The following PTPRK variants were observed in gnomAD, a reference collection of about 807,000 sequenced individuals.
PTPRK encodes protein tyrosine phosphatase receptor type K, also known as receptor-type tyrosine-protein phosphatase kappa.
PTPRK carries 75 observed loss-of-function variants against 178.0 expected under a neutral mutation model. That is an observed-to-expected ratio of 0.42 (90% CI 0.35 to 0.51). The LOEUF is 0.51. Among genes scored for constraint, PTPRK ranks in the 20% least tolerant of loss-of-function variants. The probability of loss-of-function intolerance (pLI) is 0.02; values close to 1 mark genes in which losing one functional copy is unlikely to be tolerated. For missense variants in PTPRK, 1,441 were observed against 1,797.8 expected (o/e 0.80, Z 3.59); for synonymous variants, 637 against 620.6 (o/e 1.03, Z -0.39).
At chr6:128,378,743 C>G (rs890275507) in intron 2 of PTPRK, among the ~76,000 whole-genome samples, 9 of 152,016 alleles carry the variant, frequency 5.9e-5, no homozygotes, top group African/African-American at 2.2e-4. Flanking sequence ...ATATACGTAT[C>G]TCACTTTTGG....
chr6:128,475,441 A>G (rs1851254780), intron 1 of PTPRK, among the ~76,000 whole-genome samples: 1 of 152,066 alleles, frequency 6.6e-6, no homozygotes, highest in Admixed American at 6.6e-5. Flanking sequence ...TATCTGTGCA[A>G]CTAAAGTGGA....
Position 128,026,895 on chromosome 6 carries a change from G to A in PTPRK, c.2195-17627C>T, listed in dbSNP as rs191509120. The stretch of plus-strand genomic sequence containing the variant: ...ATTACTAAATCCATTTGCTGTGCTA[G>A]ATGCTGAGGGAGGTGTGTGACACAG... On this transcript the variant is annotated intron_variant, in intron 13 of 29. Coordinates refer to ENST00000368226, the MANE Select transcript of PTPRK (RefSeq NM_002844.4). 1.4e-3 allele frequency among the ~76,000 whole-genome samples: 209 copies of A among 152,244 alleles called. 1 individual carries two copies. The highest frequency in any genetic ancestry group is 2.6e-3 in the Non-Finnish European group (179 of 68,018).
chr6:128,165,021 T>C (rs1415280802), intron 7 of PTPRK, among the ~76,000 whole-genome samples: 2 of 151,264 alleles, frequency 1.3e-5, no homozygotes, highest in Non-Finnish European at 3.0e-5. Context: ...ATACAAATTT[T>C]ACAGTTGAAA....
chr6:128,474,828 T>A (rs978143399), intron 1 of PTPRK, among the ~76,000 whole-genome samples: 2 of 152,130 alleles, frequency 1.3e-5, no homozygotes, highest in Non-Finnish European at 2.9e-5. Flanking sequence ...ATGTCTCAAC[T>A]AAAACTGATG....
At chr6:128,397,231 A>C (rs1480387756) in intron 2 of PTPRK, among the ~76,000 whole-genome samples, 1 of 152,166 alleles carries the variant, frequency 6.6e-6, no homozygotes, top group African/African-American at 2.4e-5. Flanking sequence ...CTACGAAAAG[A>C]GCTGATCCCA....
At chr6:128,349,911 T>C (rs1205240429) in intron 2 of PTPRK, among the ~76,000 whole-genome samples, 3 of 151,438 alleles carry the variant, frequency 2.0e-5, no homozygotes, top group Admixed American at 1.3e-4. Flanking sequence ...AAACACAGAG[T>C]TTTGCACAGA....
chr6:128,026,404 G>A (rs1179618042), intron 13 of PTPRK, among the ~76,000 whole-genome samples: 2 of 152,176 alleles, frequency 1.3e-5, no homozygotes, highest in Non-Finnish European at 2.9e-5. Flanking sequence ...CCAAAGGGTT[G>A]TATTTGAAAG....
At chr6:128,315,192 T>C (rs559256819) in intron 3 of PTPRK, among the ~76,000 whole-genome samples, 9 of 152,272 alleles carry the variant, frequency 5.9e-5, no homozygotes, top group Admixed American at 5.9e-4. Context: ...TTCTAATTAT[T>C]ATATTTGTGA....
At chr6:128,182,810 C>G (rs2114691154) in intron 7 of PTPRK, among the ~76,000 whole-genome samples, 1 of 152,194 alleles carries the variant, frequency 6.6e-6, no homozygotes, top group Middle Eastern at 3.4e-3. Flanking sequence ...GCTTTCACAT[C>G]TGGAACCAAT....
At chr6:128,446,358 C>T (rs1464968674) in intron 1 of PTPRK, among the ~76,000 whole-genome samples, 1 of 152,172 alleles carries the variant, frequency 6.6e-6, no homozygotes, top group Non-Finnish European at 1.5e-5. Context: ...ATCAGACCTA[C>T]TGTGTCACTT....
intron 6 of PTPRK, among the ~76,000 whole-genome samples, chr6:128,201,684 C>G (rs1455329526): frequency 6.6e-6 from 1 of 151,780 alleles, no homozygotes; most frequent in African/African-American, 2.4e-5. Context: ...CATAGTGAGA[C>G]CCCATCTCTA....
intron 7 of PTPRK, among the ~76,000 whole-genome samples, chr6:128,163,343 A>G (rs1019910468): frequency 9.3e-5 from 14 of 151,222 alleles, no homozygotes; most frequent in African/African-American, 3.1e-4. Flanking sequence ...TTTAATATAA[A>G]TTTATATTGA....
intron 11 of PTPRK, among the ~76,000 whole-genome samples, chr6:128,071,992 G>A (rs1782909760): frequency 1.3e-5 from 2 of 152,012 alleles, no homozygotes; most frequent in Non-Finnish European, 2.9e-5. Flanking sequence ...AAATGGGATT[G>A]TGCTTCTTCA....
chr6:128,299,738 C>T lies in PTPRK; in HGVS notation c.495+22301G>A, dbSNP rs544101051. Among the ~76,000 whole-genome samples, 3 of 152,248 alleles carry T rather than the reference C, an allele frequency of 2.0e-5. No homozygotes were observed. The East Asian group carries it at 5.8e-4, about 29-fold the overall frequency. ...ACATTAATTCAAGATGGATTAAAGA[C>T]TTAAACGTTAGACCTAAAACCATAA... On this transcript the variant is annotated intron_variant, in intron 3 of 29. Transcript: ENST00000368226.
rs190483026 is a variant in PTPRK at position 128,504,180 on chromosome 6, G to C, written c.100+16079C>G. On this transcript the variant is annotated intron_variant, in intron 1 of 29. Coordinates refer to ENST00000368226, the MANE Select transcript of PTPRK (RefSeq NM_002844.4). ...GAACAATAAGAGTCTTGACCTAAAAGGACCCCTCTTATTCTTTCAAAGCAT... is the reference window on the plus strand; with the variant it reads ...GAACAATAAGAGTCTTGACCTAAAACGACCCCTCTTATTCTTTCAAAGCAT... 2.6e-5 allele frequency among the ~76,000 whole-genome samples: 4 copies of C among 152,140 alleles called. No individual in the cohort carries two copies. The South Asian group carries it at 8.3e-4, about 32-fold the overall frequency.
At chr6:128,058,950 C>G (rs9491909) in intron 13 of PTPRK, among the ~76,000 whole-genome samples, 2,788 of 151,992 alleles carry the variant, frequency 0.018, 76 homozygotes, top group East Asian at 0.057. Context: ...CTCTTCCCTA[C>G]AGTTTTACCT....
At chr6:128,318,806 G>A (rs752242716) in intron 3 of PTPRK, among the ~76,000 whole-genome samples, 23 of 152,170 alleles carry the variant, frequency 1.5e-4, no homozygotes, top group Non-Finnish European at 2.8e-4. Flanking sequence ...ATCTTCAGCT[G>A]AAATTTAATA....
chr6:128,006,775 G>A (rs952591013), intron 14 of PTPRK, among the ~76,000 whole-genome samples: 4 of 150,796 alleles, frequency 2.7e-5, no homozygotes, highest in Admixed American at 1.3e-4. Context: ...ATTGAATAGC[G>A]ATTAAATTAA....
At chr6:128,313,013 T>G (rs1413877496) in intron 3 of PTPRK, among the ~76,000 whole-genome samples, 1 of 152,154 alleles carries the variant, frequency 6.6e-6, no homozygotes, top group African/African-American at 2.4e-5. Context: ...TAATTCTAAC[T>G]TTATTCTTGT....
Sources: allele counts gnomAD v4.1 joint callset (sites outside exome capture counted in the v4.1 genomes callset), GRCh38; gene constraint gnomAD v4.1.1; transcripts MANE v1.5; gene names NCBI Gene and HGNC (gene_info 2026-07-23, HGNC 2026-07-21).